The following DNAAF9 variants were observed in gnomAD, a reference collection of about 807,000 sequenced individuals.
DNAAF9 encodes dynein axonemal assembly factor 9.
A neutral mutation model predicts 167.0 loss-of-function variants in DNAAF9; 90 were observed. The ratio of observed to expected loss-of-function variants is 0.54; its 90% confidence interval spans 0.45 to 0.64. The LOEUF (loss-of-function observed/expected upper bound fraction) is 0.64. Among genes scored for constraint, DNAAF9 ranks in the 30% least tolerant of loss-of-function variants. The probability of loss-of-function intolerance (pLI) is 0.00; values close to 1 mark genes in which losing one functional copy is unlikely to be tolerated. For synonymous variants in DNAAF9, 491 were observed against 508.8 expected (o/e 0.96, Z 0.47); for missense variants, 1,315 against 1,442.2 (o/e 0.91, Z 1.43).
chr20:3,352,211 A>G (rs2070338957), intron 7 of DNAAF9, among the ~76,000 whole-genome samples: 1 of 152,186 alleles, frequency 6.6e-6, no homozygotes, highest in Non-Finnish European at 1.5e-5. Flanking sequence ...AGAAATGCGC[A>G]TGTACTTGTA....
At chr20:3,255,345 G>A in intron 34 of DNAAF9, 61 bp from the exon 35 acceptor site, 1 of 1,037,868 alleles carries the variant, frequency 9.6e-7, no homozygotes, top group Non-Finnish European at 1.5e-6. Context: ...CATGGGCAGG[G>A]GAGGGCTCTG....
At chr20:3,370,570 C>A (rs1600874181) in intron 6 of DNAAF9, among the ~76,000 whole-genome samples, 1 of 152,062 alleles carries the variant, frequency 6.6e-6, no homozygotes, top group South Asian at 2.1e-4. Context: ...CCACCATGCC[C>A]AGCTAATTTT....
chr20:3,372,987 G>T (rs1303186046), intron 6 of DNAAF9, among the ~76,000 whole-genome samples: 1 of 152,158 alleles, frequency 6.6e-6, no homozygotes, highest in African/African-American at 2.4e-5. Context: ...CTCCCTTCAA[G>T]CCCCTACTCT....
At position 3,310,333 on chromosome 20, in the gene DNAAF9, A is replaced by AAAAGAAAGAAGAAAG. The variant is rs1555790606; in HGVS notation, c.1678+4699_1678+4700insCTTTCTTCTTTCTTT. Among the ~76,000 whole-genome samples the AAAAGAAAGAAGAAAG allele has an allele frequency of 1.8e-3, 190 of 106,182 alleles. 1 individual carries two copies. Among genetic ancestry groups the AAAAGAAAGAAGAAAG allele is most frequent in the Middle Eastern group, 4.0e-3 (1 of 250 alleles). The allele number at this position is 106,182 out of a possible 152,430, so 69.7% of individuals were successfully genotyped here. On this transcript the variant is annotated intron_variant, in intron 20 of 36. Transcript: ENST00000252032. ...GAAAGAAAGAAAGGAAAGAGAAAGAAAAAGAAAGAAAGAAAGAAAGAAAGA... is the reference window on the plus strand; with the variant it reads ...GAAAGAAAGAAAGGAAAGAGAAAGAAAAAGAAAGAAGAAAGAAAGAAAGAAAGAAAGAAAGAAAGA...
intron 33 of DNAAF9, among the ~76,000 whole-genome samples, chr20:3,256,468 C>A (rs1408006799): frequency 6.6e-6 from 1 of 151,992 alleles, no homozygotes; most frequent in South Asian, 2.1e-4. Context: ...GCTGAGATTG[C>A]GCCACTGTAC....
chr20:3,296,492 C>G (rs1410728574), intron 23 of DNAAF9: 3 of 288,074 alleles, frequency 1.0e-5, no homozygotes, highest in Admixed American at 4.8e-5. Context: ...ACCCTTCCAC[C>G]CCGGCCTCCT....
intron 12 of DNAAF9, among the ~76,000 whole-genome samples, chr20:3,328,207 A>C (rs960016774): frequency 1.2e-5 from 1 of 83,042 alleles, no homozygotes. Flanking sequence ...TTTGAGATGG[A>C]GTCTTGCTCT....
rs1234826050 is a variant in DNAAF9, at chr20:3,315,080, T to A, written c.1631A>T (p.Glu544Val). The A allele has an allele frequency of 6.2e-7, 1 of 1,611,890 alleles. No individual in the cohort carries two copies. The highest frequency in any genetic ancestry group is 8.5e-7 in the Non-Finnish European group (1 of 1,177,990). ...ATTGCTGGAATAAAGATATGCTCCT[T>A]CTCCTCCTGTTAGATAAGTGCCCAG... ...SFLGTYLTGG[E>V]GAYLYSSNLQ... Residue 544 changes from glutamate (E) to valine (V), a missense_variant, in exon 20 of 37, where the codon GAA (glutamate) becomes GTA (valine). Physicochemically the swap from Glu to Val is moderately radical, Grantham distance 121. This residue lies in a region of DNAAF9 where 981 missense variants were observed against 1,012.5 expected (regional missense o/e 0.97). Transcript: ENST00000252032. This position sits in a 1 kb window ranked among gnomAD's most constrained non-coding sequence, Gnocchi z 4.1.
chr20:3,353,561 G>A (rs1314556776), intron 7 of DNAAF9, among the ~76,000 whole-genome samples: 1 of 151,556 alleles, frequency 6.6e-6, no homozygotes, highest in East Asian at 1.9e-4. Context: ...CTGGGAGGCA[G>A]AGGTTGCAGT....
chr20:3,353,351 A>G (rs540145270), intron 7 of DNAAF9, among the ~76,000 whole-genome samples: 1 of 152,202 alleles, frequency 6.6e-6, no homozygotes, highest in South Asian at 2.1e-4. Flanking sequence ...GAGACTTTAA[A>G]AAAACAAAAA....
intron 2 of DNAAF9, among the ~76,000 whole-genome samples, chr20:3,382,105 A>G (rs1421989346): frequency 6.6e-6 from 1 of 152,186 alleles, no homozygotes; most frequent in East Asian, 1.9e-4. Flanking sequence ...TGCTTTAGGT[A>G]TATATTTATT....
chr20:3,355,447 C>T (rs1008363269), intron 7 of DNAAF9, among the ~76,000 whole-genome samples: 2 of 152,028 alleles, frequency 1.3e-5, no homozygotes, highest in African/African-American at 4.8e-5. Flanking sequence ...TGGTGGCACA[C>T]ACCTGTAGTC....
At chr20:3,258,231 G>A (rs1044641000) in intron 33 of DNAAF9, among the ~76,000 whole-genome samples, 1 of 152,192 alleles carries the variant, frequency 6.6e-6, no homozygotes, top group Non-Finnish European at 1.5e-5. Flanking sequence ...AAAGTACCAA[G>A]ACCTCTGAAG....
intron 1 of DNAAF9, among the ~76,000 whole-genome samples, chr20:3,404,168 T>C (rs1289047825): frequency 1.3e-5 from 2 of 152,218 alleles, no homozygotes; most frequent in African/African-American, 2.4e-5. Flanking sequence ...TAGCTGGGAC[T>C]ACAGGTGCCT....
chr20:3,263,811 T>C (rs1279627296), intron 31 of DNAAF9, among the ~76,000 whole-genome samples: 2 of 152,220 alleles, frequency 1.3e-5, no homozygotes, highest in Admixed American at 1.3e-4. Context: ...ATTATAAATT[T>C]TGATTTTTAT....
intron 8 of DNAAF9, among the ~76,000 whole-genome samples, chr20:3,346,868 G>A (rs775590086): frequency 2.3e-4 from 35 of 152,092 alleles, no homozygotes; most frequent in Non-Finnish European, 2.5e-4. Context: ...ATAGACCACT[G>A]GAACAACTTC....
At chr20:3,261,820 G>A (rs1297093900) in intron 31 of DNAAF9, among the ~76,000 whole-genome samples, 2 of 142,698 alleles carry the variant, frequency 1.4e-5, no homozygotes, top group Non-Finnish European at 3.1e-5. Context: ...TTTGGAGACT[G>A]GGGGTTTCTC....
Position 3,281,845 on chromosome 20 carries a change from G to A in DNAAF9, c.2487-79C>T, listed in dbSNP as rs2068769871. 10 of 1,461,794 alleles carry A rather than the reference G, an allele frequency of 6.8e-6. No homozygotes were observed. In the South Asian group the frequency reaches 1.1e-4, roughly 16 times the overall value. 90.6% of individuals were successfully genotyped at this position (1,461,794 alleles called of 1,614,324 possible). Reference sequence around the variant, plus strand: ...AGGAAGAGGGGAATCCCGAATGGCTGATTGAACAAGGATGGAAAGAAAACC... The same window carrying A: ...AGGAAGAGGGGAATCCCGAATGGCTAATTGAACAAGGATGGAAAGAAAACC... On this transcript the variant is annotated intron_variant, in intron 27 of 36. Coordinates refer to ENST00000252032, the MANE Select transcript of DNAAF9 (RefSeq NM_001009984.3).
In DNAAF9 at chr20:3,318,320, A is replaced by C; in HGVS notation, c.1437T>G (p.Phe479Leu). Reference protein sequence around the residue: ...CLGSVVFSESFLTSQILVKEK... With the variant: ...CLGSVVFSESLLTSQILVKEK... ...CTTTAACTAAGATCTGAGAAGTCAAAAATGATTCAGAGAAAACCACAGATC... is the reference window on the plus strand; with the variant it reads ...CTTTAACTAAGATCTGAGAAGTCAACAATGATTCAGAGAAAACCACAGATC... Residue 479 changes from phenylalanine to leucine, a missense_variant, in exon 17 of 37, where the codon TTT becomes TTG. By Grantham distance (22) the Phe-to-Leu change is conservative. Around this residue, in one of 2 missense-constraint regions of DNAAF9, gnomAD observed 981 missense variants for 1,012.5 expected, o/e 0.97. Coordinates refer to ENST00000252032, the MANE Select transcript of DNAAF9 (RefSeq NM_001009984.3). 1 of 1,589,350 alleles carries C rather than the reference A, an allele frequency of 6.3e-7. No homozygotes were observed. The highest frequency in any genetic ancestry group is 8.6e-7 in the Non-Finnish European group (1 of 1,157,580).
Sources: gnomAD v4.1 joint callset for allele counts (sites outside exome capture counted in the v4.1 genomes callset) on GRCh38, gnomAD v4.1.1 for gene constraint, gnomAD v4.1.1 regional missense constraint, Gnocchi (gnomAD v3.1) non-coding constraint, MANE v1.5 for transcripts, NCBI Gene and HGNC (gene_info 2026-07-23, HGNC 2026-07-21) for gene names.